Variants in DEFB114 observed in about 807,000 individuals in gnomAD.
DEFB114 encodes the protein defensin beta 114.
In DEFB114, 4 loss-of-function variants were observed where a neutral mutation model predicts 2.4. The observed-to-expected ratio is 1.67, with a 90% CI of 0.82 to 3.82. DEFB114 has a LOEUF of 3.82. Among genes scored for constraint, DEFB114 ranks in the 30% most tolerant of loss-of-function variants. The pLI, the probability that DEFB114 is intolerant of heterozygous loss-of-function variation, is 0.01. For synonymous variants in DEFB114, 35 were observed against 24.6 expected (o/e 1.42, Z -1.26); for missense variants, 113 against 85.8 (o/e 1.32, Z -1.25).
At position 49,964,135 on chromosome 6, in the gene DEFB114, A is replaced by T; in HGVS notation, c.-30T>A. ...TAGAAAGAAGTTGTTGAAAGACTTG[A>T]TAACAGAATATAGAGACTATAGAAC... On this transcript the variant is annotated 5_prime_UTR_variant, in exon 1 of 2. Transcript: ENST00000322066. 2 of 1,496,506 alleles carry T rather than the reference A, an allele frequency of 1.3e-6. No individual in the cohort carries two copies. Among genetic ancestry groups the T allele is most frequent in the Non-Finnish European group, 1.8e-6 (2 of 1,089,062 alleles). 92.7% of individuals were successfully genotyped at this position (1,496,506 alleles called of 1,614,324 possible). A position where few individuals can be genotyped will look rare whatever the true frequency, so the allele number is the denominator to read the frequency against.
At position 49,960,330 on chromosome 6, in the gene DEFB114, A is replaced by G; in HGVS notation, c.172T>C (p.Cys58Arg). The G allele has an allele frequency of 6.2e-7, 1 of 1,606,852 alleles. No individual in the cohort carries two copies. Among genetic ancestry groups the G allele is most frequent in the Non-Finnish European group, 8.5e-7 (1 of 1,175,968 alleles). The change falls in exon 2 of 2, where the codon TGC (cysteine) becomes CGC (arginine). Residue 58 changes from cysteine (C) to arginine (R), a missense_variant. Coordinates refer to ENST00000322066, the MANE Select transcript of DEFB114 (RefSeq NM_001037499.2). ...DICSLPRKIC[C>R]TEKLYEEDDM... ...TCTTCTTCATACAATTTCTCAGTGCAGCAAATTTTTCTTGGTAAGGAACAT... is the reference window on the plus strand; with the variant it reads ...TCTTCTTCATACAATTTCTCAGTGCGGCAAATTTTTCTTGGTAAGGAACAT...
intron 1 of DEFB114, 141 bp downstream of exon 1, chr6:49,963,910 G>C (rs939091504): frequency 1.6e-6 from 1 of 611,878 alleles, no homozygotes; most frequent in African/African-American, 1.9e-5. Flanking sequence ...TTATCAATGA[G>C]GAAACCAAGA....
chr6:49,962,105 T>A (rs1398218646), intron 1 of DEFB114, among the ~76,000 whole-genome samples: 1 of 150,562 alleles, frequency 6.6e-6, no homozygotes, highest in African/African-American at 2.4e-5. Flanking sequence ...GTTGGGCATA[T>A]CCCTAAGGGT....
At chr6:49,961,401 A>G (rs991697920) in intron 1 of DEFB114, among the ~76,000 whole-genome samples, 5 of 150,734 alleles carry the variant, frequency 3.3e-5, no homozygotes, top group Non-Finnish European at 7.4e-5. Flanking sequence ...TGATTAAATA[A>G]TTATTCCACA....
intron 1 of DEFB114, among the ~76,000 whole-genome samples, chr6:49,963,832 T>C (rs923760736): frequency 6.7e-6 from 1 of 149,980 alleles, no homozygotes; most frequent in African/African-American, 2.4e-5. Context: ...AAAGATGTTG[T>C]CTTCATTATC....
Position 49,960,283 on chromosome 6 carries a change from C to T in DEFB114, c.*9G>A. On this transcript the variant is annotated 3_prime_UTR_variant, in exon 2 of 2. Coordinates refer to ENST00000322066, the MANE Select transcript of DEFB114 (RefSeq NM_001037499.2). ...TGTAACTTCTTTGTTCAGAGGTATG[C>T]CTTTCTTTTCAAAACATATCATCTT... is the stretch of plus-strand genomic sequence containing the variant. The T allele has an allele frequency of 6.3e-7, 1 of 1,597,238 alleles. No individual in the cohort carries two copies. The highest frequency in any genetic ancestry group is 8.5e-7 in the Non-Finnish European group (1 of 1,171,142).
Position 49,964,061 on chromosome 6 carries a change from G to A in DEFB114, c.45C>T (p.Phe15=). The change falls in exon 1 of 2, where the codon TTC becomes TTT. Residue 15 remains phenylalanine, a synonymous_variant. Transcript: ENST00000322066. ...YYLHFLCYVT[F]ILPATCTLVN... ...AGACATCTATCTTACCTGGTAGAAT[G>A]AAGGTCACATAACACAGAAAATGGA... 6.3e-7 allele frequency: 1 copy of A among 1,585,294 alleles called. No individual in the cohort carries two copies. The highest frequency in any genetic ancestry group is 8.6e-7 in the Non-Finnish European group (1 of 1,162,488).
intron 1 of DEFB114, among the ~76,000 whole-genome samples, chr6:49,961,412 CTATT>C (rs897767634): frequency 3.3e-5 from 5 of 150,732 alleles, no homozygotes; most frequent in South Asian, 2.1e-4. Flanking sequence ...TTATTCCACA[CTATT>C]TATTAAAATA....
intron 1 of DEFB114, among the ~76,000 whole-genome samples, chr6:49,963,124 A>G (rs1401635095): frequency 6.7e-6 from 1 of 150,206 alleles, no homozygotes; most frequent in Admixed American, 6.7e-5. Context: ...AGATAATAGA[A>G]AATAAAAGGA....
Position 49,960,346 on chromosome 6 carries a change from T to G in DEFB114, c.156A>C (p.Leu52Phe), listed in dbSNP as rs754737089. The change falls in exon 2 of 2, where the codon TTA becomes TTC. Residue 52 changes from leucine (L) to phenylalanine (F), a missense_variant. Transcript: ENST00000322066. ...ESEKQIDICS[L>F]PRKICCTEKL... ...TCTCAGTGCAGCAAATTTTTCTTGGTAAGGAACATATGTCTATTTGCTTTT... is the reference window on the plus strand; with the variant it reads ...TCTCAGTGCAGCAAATTTTTCTTGGGAAGGAACATATGTCTATTTGCTTTT... 1.2e-6 allele frequency: 2 copies of G among 1,607,312 alleles called. No homozygotes were observed. Among genetic ancestry groups the G allele is most frequent in the African/African-American group, 2.7e-5 (2 of 74,192 alleles).
intron 1 of DEFB114, 94 bp downstream of exon 1, chr6:49,963,957 T>C (rs557113803): frequency 1.4e-5 from 12 of 886,334 alleles, no homozygotes; most frequent in East Asian, 5.5e-5. Context: ...ATTGATAAGA[T>C]TGCATTAAAA....
At chr6:49,961,727 C>A (rs1561977101) in intron 1 of DEFB114, among the ~76,000 whole-genome samples, 1 of 150,842 alleles carries the variant, frequency 6.6e-6, no homozygotes, top group South Asian at 2.1e-4. Context: ...AAACACTACC[C>A]AAGTCAAGAA....
intron 1 of DEFB114, 123 bp from the exon 2 acceptor site, chr6:49,960,569 C>T (rs1470652996): frequency 9.9e-7 from 1 of 1,009,672 alleles, no homozygotes; most frequent in African/African-American, 1.7e-5. Context: ...AAAATAAATC[C>T]ATGTATATCT....
intron 1 of DEFB114, among the ~76,000 whole-genome samples, chr6:49,961,877 C>T (rs929277267): frequency 6.6e-6 from 1 of 150,694 alleles, no homozygotes; most frequent in Admixed American, 6.6e-5. Flanking sequence ...CAGTACAGCA[C>T]ATATATTTTT....
Position 49,964,131 on chromosome 6 carries a change from C to T in DEFB114, c.-26G>A, listed in dbSNP as rs1773506046. 6.5e-7 allele frequency: 1 copy of T among 1,531,674 alleles called. No homozygotes were observed. The highest frequency in any genetic ancestry group is 1.4e-5 in the African/African-American group (1 of 71,670). The allele number at this position is 1,531,674 out of a possible 1,614,324, so 94.9% of individuals were successfully genotyped here. On this transcript the variant is annotated 5_prime_UTR_variant, in exon 1 of 2. Coordinates refer to ENST00000322066, the MANE Select transcript of DEFB114 (RefSeq NM_001037499.2). ...TCTGTAGAAAGAAGTTGTTGAAAGA[C>T]TTGATAACAGAATATAGAGACTATA...
At chr6:49,960,582 T>C in intron 1 of DEFB114, 136 bp from the exon 2 acceptor site, 1 of 789,668 alleles carries the variant, frequency 1.3e-6, no homozygotes. Flanking sequence ...GTATATCTTA[T>C]ACCCCATGTA....
At chr6:49,961,308 C>T (rs1186679605) in intron 1 of DEFB114, among the ~76,000 whole-genome samples, 2 of 150,376 alleles carry the variant, frequency 1.3e-5, no homozygotes, top group African/African-American at 4.9e-5. Context: ...ATTTTTTCAT[C>T]ATAGTATTTT....
At chr6:49,961,534 G>A (rs977667407) in intron 1 of DEFB114, among the ~76,000 whole-genome samples, 4 of 150,762 alleles carry the variant, frequency 2.7e-5, no homozygotes, top group Non-Finnish European at 6.0e-5. Flanking sequence ...TATGAATATA[G>A]CTATGGATTT....
chr6:49,963,267 G>T (rs564034265), intron 1 of DEFB114, among the ~76,000 whole-genome samples: 1 of 150,162 alleles, frequency 6.7e-6, no homozygotes, highest in African/African-American at 2.4e-5. Context: ...TGATCTTTTT[G>T]ATATCTGTAG....
Sources: allele counts gnomAD v4.1 joint callset (sites outside exome capture counted in the v4.1 genomes callset), GRCh38; gene constraint gnomAD v4.1.1; transcripts MANE v1.5; gene names NCBI Gene and HGNC (gene_info 2026-07-23, HGNC 2026-07-21).